The following TAF12 variants were observed in gnomAD, a reference collection of about 807,000 sequenced individuals.
The protein encoded by TAF12 is TATA-box binding protein associated factor 12.
A neutral mutation model predicts 20.8 loss-of-function variants in TAF12; 3 were observed. The ratio of observed to expected loss-of-function variants is 0.14; its 90% confidence interval spans 0.07 to 0.37. The LOEUF is 0.37. Ranked by LOEUF, TAF12 falls within the 10% of genes least tolerant of loss-of-function variation. TAF12 has a pLI of 1.00. For synonymous variants in TAF12, 69 were observed against 70.2 expected, an observed-to-expected ratio of 0.98 and a Z score of 0.09; for missense variants, 131 against 197.9, an observed-to-expected ratio of 0.66 and a Z score of 2.03.
chr1:28,613,883 G>A (rs4252990), intron 3 of TAF12, among the ~76,000 whole-genome samples: 3 of 152,276 alleles, frequency 2.0e-5, no homozygotes, highest in Admixed American at 2.0e-4. Context: ...CGAGTTGGGA[G>A]GATCACTTGA....
chr1:28,623,036 CAA>C (rs530309386), intron 1 of TAF12, among the ~76,000 whole-genome samples: 1 of 130,914 alleles, frequency 7.6e-6, no homozygotes, highest in Admixed American at 7.8e-5. Flanking sequence ...CACCGCCCCA[CAA>C]AAAAAAAAAC....
At chr1:28,637,235 CT>C (rs1186880116) in intron 1 of TAF12, among the ~76,000 whole-genome samples, 1 of 152,088 alleles carries the variant, frequency 6.6e-6, no homozygotes, top group Admixed American at 6.6e-5. Flanking sequence ...CAGGCAAATT[CT>C]TTTTTTCTTT....
intron 1 of TAF12, among the ~76,000 whole-genome samples, chr1:28,633,027 C>G (rs1015627338): frequency 6.6e-6 from 1 of 151,744 alleles, no homozygotes; most frequent in Non-Finnish European, 1.5e-5. Flanking sequence ...CCATGCCCAG[C>G]TATTTTTTTT....
intron 2 of TAF12, 135 bp from the exon 3 acceptor site, chr1:28,618,165 C>G (rs1240791431): frequency 1.4e-6 from 1 of 715,494 alleles, no homozygotes; most frequent in Non-Finnish European, 2.3e-6. Flanking sequence ...TCTGGCCTAC[C>G]TGACTATGCT....
At chr1:28,636,386 A>G (rs1295809730) in intron 1 of TAF12, among the ~76,000 whole-genome samples, 1 of 152,012 alleles carries the variant, frequency 6.6e-6, no homozygotes, top group South Asian at 2.1e-4. Flanking sequence ...GATATGAACC[A>G]TGGTAGCAGT....
chr1:28,641,234 C>T (rs1668019994), intron 1 of TAF12, among the ~76,000 whole-genome samples: 1 of 152,056 alleles, frequency 6.6e-6, no homozygotes, highest in Admixed American at 6.6e-5. Context: ...ATAATCCCAG[C>T]ACTTCGGGAG....
intron 1 of TAF12, among the ~76,000 whole-genome samples, chr1:28,639,112 T>C (rs182641837): frequency 6.6e-6 from 1 of 151,762 alleles, no homozygotes; most frequent in Non-Finnish European, 1.5e-5. Flanking sequence ...TCTTGCTCTA[T>C]TGCCCAGGCT....
chr1:28,645,191 G>T (rs1181968023), upstream of TAF12, among the ~76,000 whole-genome samples: 1 of 150,860 alleles, frequency 6.6e-6, no homozygotes, highest in Admixed American at 6.6e-5. Context: ...GCCCGCCACC[G>T]CGCCCGGCTA....
chr1:28,638,079 C>T (rs1450687333), intron 1 of TAF12, among the ~76,000 whole-genome samples: 46 of 152,138 alleles, frequency 3.0e-4, no homozygotes, highest in Admixed American at 3.0e-3. Flanking sequence ...CGGCTCACTG[C>T]AACCTCTGCC....
chr1:28,608,587 C>T (rs1006876269), intron 4 of TAF12, among the ~76,000 whole-genome samples: 4 of 150,692 alleles, frequency 2.7e-5, no homozygotes, highest in Middle Eastern at 3.4e-3. Flanking sequence ...AAACCCGTCT[C>T]GACTAAAAAT....
chr1:28,629,515 T>C (rs1478025092), intron 1 of TAF12, among the ~76,000 whole-genome samples: 1 of 152,134 alleles, frequency 6.6e-6, no homozygotes, highest in Non-Finnish European at 1.5e-5. Context: ...TTTGTATTAT[T>C]AGTAGAGATG....
chr1:28,635,534 T>C (rs1308978582), intron 1 of TAF12, among the ~76,000 whole-genome samples: 1 of 151,538 alleles, frequency 6.6e-6, no homozygotes, highest in African/African-American at 2.4e-5. Flanking sequence ...CTCAATCTCC[T>C]GAACTCATGA....
chr1:28,612,721 G>T (rs1666908186), intron 4 of TAF12, among the ~76,000 whole-genome samples: 1 of 151,580 alleles, frequency 6.6e-6, no homozygotes, highest in Non-Finnish European at 1.5e-5. Flanking sequence ...CTCAAATTTA[G>T]TGTCTGTTAA....
At chr1:28,607,907 C>T (rs1334911503) in intron 4 of TAF12, among the ~76,000 whole-genome samples, 3 of 151,896 alleles carry the variant, frequency 2.0e-5, no homozygotes, top group East Asian at 1.9e-4. Context: ...GAGGCTGAGG[C>T]GGATGGATCA....
chr1:28,627,987 A>G (rs1365522915), intron 1 of TAF12, among the ~76,000 whole-genome samples: 1 of 152,044 alleles, frequency 6.6e-6, no homozygotes, highest in African/African-American at 2.4e-5. Context: ...ACATAGGCTT[A>G]TACAACTGTC....
chr1:28,615,991 A>T (rs887595491), intron 3 of TAF12, among the ~76,000 whole-genome samples: 1 of 152,212 alleles, frequency 6.6e-6, no homozygotes, highest in African/African-American at 2.4e-5. Flanking sequence ...AAGCACTGCA[A>T]ATCGGGCATT....
Position 28,603,433 on chromosome 1 carries a change from C to A in TAF12, c.*106G>T. Reference sequence around the variant, plus strand: ...CTGCACTGTTAATAAAAAATATATGCTTCTCTGTAAAGCATTAAAAAAAAA... The same window carrying A: ...CTGCACTGTTAATAAAAAATATATGATTCTCTGTAAAGCATTAAAAAAAAA... On this transcript the variant is annotated 3_prime_UTR_variant, in exon 6 of 6. Transcript: ENST00000373824. The A allele has an allele frequency of 8.5e-7, 1 of 1,175,316 alleles. No homozygotes were observed. Among genetic ancestry groups the A allele is most frequent in the Non-Finnish European group, 1.3e-6 (1 of 798,404 alleles). 72.8% of individuals were successfully genotyped at this position (1,175,316 alleles called of 1,614,324 possible).
intron 1 of TAF12, among the ~76,000 whole-genome samples, chr1:28,638,055 C>A (rs1467597049): frequency 6.6e-6 from 1 of 151,962 alleles, no homozygotes; most frequent in East Asian, 1.9e-4. Context: ...GGCTGGAGTG[C>A]AGTGGCACAA....
At chr1:28,628,596 T>C (rs1376802655) in intron 1 of TAF12, among the ~76,000 whole-genome samples, 2 of 150,572 alleles carry the variant, frequency 1.3e-5, no homozygotes, top group Non-Finnish European at 2.9e-5. Flanking sequence ...ACCCTGATTA[T>C]ATTAAAAAAA....
Sources: allele counts gnomAD v4.1 joint callset (sites outside exome capture counted in the v4.1 genomes callset), GRCh38; gene constraint gnomAD v4.1.1; transcripts MANE v1.5; gene names NCBI Gene and HGNC (gene_info 2026-07-23, HGNC 2026-07-21).